Variants in DNER observed in about 807,000 individuals in gnomAD.
The protein encoded by DNER is delta and Notch-like epidermal growth factor-related receptor.
Under a neutral mutation model 78.2 loss-of-function variants are expected in DNER, and 33 were observed. That is an observed-to-expected ratio of 0.42 (90% CI 0.32 to 0.56). The LOEUF (loss-of-function observed/expected upper bound fraction) is 0.56, where lower values mean the gene tolerates loss of function less well. Among genes scored for constraint, DNER ranks in the 20% least tolerant of loss-of-function variants. The pLI is 0.11. For synonymous variants in DNER, 417 were observed against 384.8 expected (o/e 1.08, Z -0.98); for missense variants, 918 against 975.3 (o/e 0.94, Z 0.78).
intron 1 of DNER, among the ~76,000 whole-genome samples, chr2:229,713,607 T>C (rs893954509): frequency 9.2e-5 from 14 of 152,232 alleles, no homozygotes; most frequent in African/African-American, 3.4e-4. Context: ...GTCCTCTGGC[T>C]GCTTTGTCAC....
intron 10 of DNER, among the ~76,000 whole-genome samples, chr2:229,389,589 A>C (rs1692972122): frequency 6.6e-6 from 1 of 152,190 alleles, no homozygotes; most frequent in African/African-American, 2.4e-5. Flanking sequence ...CATTTTCAAA[A>C]GCAATGTTTC....
At chr2:229,604,049 C>T (rs1697886657) in intron 1 of DNER, among the ~76,000 whole-genome samples, 1 of 152,270 alleles carries the variant, frequency 6.6e-6, no homozygotes, top group South Asian at 2.1e-4. Flanking sequence ...AGCCAAAATC[C>T]AGCAGCCTCT....
At chr2:229,670,834 T>C (rs1310261113) in intron 1 of DNER, among the ~76,000 whole-genome samples, 1 of 152,186 alleles carries the variant, frequency 6.6e-6, no homozygotes, top group Non-Finnish European at 1.5e-5. Context: ...TTTATTTTAC[T>C]TATTTGCAAC....
At chr2:229,556,655 G>A (rs570010239) in intron 4 of DNER, among the ~76,000 whole-genome samples, 4 of 152,278 alleles carry the variant, frequency 2.6e-5, no homozygotes, top group African/African-American at 9.6e-5. Context: ...ATATTCCCAA[G>A]TTCATCATAA....
intron 1 of DNER, among the ~76,000 whole-genome samples, chr2:229,692,906 A>G (rs983497326): frequency 6.6e-6 from 1 of 151,854 alleles, no homozygotes; most frequent in Non-Finnish European, 1.5e-5. Flanking sequence ...TTTATATTTT[A>G]TAATATAAAA....
intron 1 of DNER, among the ~76,000 whole-genome samples, chr2:229,695,677 AGAGT>A (rs1373063250): frequency 1.3e-5 from 2 of 152,332 alleles, no homozygotes; most frequent in Admixed American, 1.3e-4. Context: ...GACCAGTGGT[AGAGT>A]GAGTTCCCCA....
chr2:229,648,668 T>G (rs1276941827), intron 1 of DNER, among the ~76,000 whole-genome samples: 1 of 152,230 alleles, frequency 6.6e-6, no homozygotes, highest in African/African-American at 2.4e-5. Flanking sequence ...TAATCTTTAG[T>G]TTTGCACTGG....
rs564685792 is a variant in DNER, at chr2:229,393,402, G to A, written c.1724-5006C>T. On this transcript the variant is annotated intron_variant, in intron 10 of 12. Transcript: ENST00000341772. The stretch of plus-strand genomic sequence containing the variant: ...GATCACGCCACTGTACTCCAGCCTG[G>A]GTGACAGAGTGAGACTCCGTCTCAA... 3.4e-4 allele frequency among the ~76,000 whole-genome samples: 52 copies of A among 151,696 alleles called. No individual in the cohort carries two copies. In the South Asian group the frequency reaches 0.011, roughly 32 times the overall value.
At chr2:229,625,687 G>C (rs1487872997) in intron 1 of DNER, among the ~76,000 whole-genome samples, 2 of 152,184 alleles carry the variant, frequency 1.3e-5, no homozygotes, top group Non-Finnish European at 2.9e-5. Flanking sequence ...ATGTGAGTTT[G>C]AATGAAGAGG....
At chr2:229,567,511 A>G (rs1229404655) in intron 4 of DNER, among the ~76,000 whole-genome samples, 1 of 152,230 alleles carries the variant, frequency 6.6e-6, no homozygotes, top group Non-Finnish European at 1.5e-5. Flanking sequence ...CCCAGAAAAG[A>G]AAGCTGGTAG....
chr2:229,659,756 T>C (rs1409129347), intron 1 of DNER, among the ~76,000 whole-genome samples: 1 of 152,194 alleles, frequency 6.6e-6, no homozygotes, highest in Non-Finnish European at 1.5e-5. Context: ...TTTACTATTG[T>C]TTAATAGGAT....
intron 1 of DNER, among the ~76,000 whole-genome samples, chr2:229,684,693 C>T (rs1244715234): frequency 6.6e-6 from 1 of 152,116 alleles, no homozygotes; most frequent in Non-Finnish European, 1.5e-5. Flanking sequence ...GTGGAATTTA[C>T]CACTCATCCA....
intron 6 of DNER, among the ~76,000 whole-genome samples, chr2:229,487,651 A>G (rs1695305223): frequency 6.6e-6 from 1 of 152,242 alleles, no homozygotes; most frequent in Non-Finnish European, 1.5e-5. Flanking sequence ...TTGAGTTTTA[A>G]GTTTTTGTAG....
At chr2:229,525,620 T>C (rs1329459063) in intron 5 of DNER, among the ~76,000 whole-genome samples, 1 of 152,198 alleles carries the variant, frequency 6.6e-6, no homozygotes, top group Non-Finnish European at 1.5e-5. Flanking sequence ...TTTTATTTAT[T>C]ATTATTTCTG....
chr2:229,532,330 A>G (rs1398644301), intron 5 of DNER, among the ~76,000 whole-genome samples: 5 of 151,976 alleles, frequency 3.3e-5, no homozygotes, highest in Non-Finnish European at 2.9e-5. Flanking sequence ...CCATTCTGAT[A>G]GCTCCCACCT....
chr2:229,639,559 C>T lies in DNER; in HGVS notation c.277-47671G>A, dbSNP rs543897346. Among the ~76,000 whole-genome samples, 39 of 152,290 alleles carry T rather than the reference C, an allele frequency of 2.6e-4. 1 individual carries two copies. In the South Asian group the frequency reaches 7.7e-3, roughly 30 times the overall value. On this transcript the variant is annotated intron_variant, in intron 1 of 12. Coordinates refer to ENST00000341772, the MANE Select transcript of DNER (RefSeq NM_139072.4). ...ATGAGCCACCACTCCCGGCTTCCTC[C>T]AACCATTTTAAATATTTTGAAATCT... is the stretch of plus-strand genomic sequence containing the variant.
At chr2:229,543,700 C>A (rs1267811088) in intron 5 of DNER, among the ~76,000 whole-genome samples, 1 of 152,174 alleles carries the variant, frequency 6.6e-6, no homozygotes, top group African/African-American at 2.4e-5. Flanking sequence ...TCCTCCACCC[C>A]CTGCCAGTGG....
intron 7 of DNER, among the ~76,000 whole-genome samples, chr2:229,455,530 G>A (rs1466138294): frequency 1.3e-5 from 2 of 152,054 alleles, no homozygotes; most frequent in Non-Finnish European, 2.9e-5. Context: ...ATCCCACAGG[G>A]TCATGACCCT....
chr2:229,408,102 AT>A (rs1048963682), intron 9 of DNER, among the ~76,000 whole-genome samples: 6 of 152,048 alleles, frequency 3.9e-5, no homozygotes, highest in Admixed American at 2.0e-4. Context: ...AAGAAGAGGC[AT>A]TTTTTAAAAA....
Sources: gnomAD v4.1 joint callset for allele counts (sites outside exome capture counted in the v4.1 genomes callset) on GRCh38, gnomAD v4.1.1 for gene constraint, MANE v1.5 for transcripts, NCBI Gene and HGNC (gene_info 2026-07-23, HGNC 2026-07-21) for gene names.